Variants in TMEM248 observed in about 807,000 individuals in gnomAD.
TMEM248 encodes UPF0458 protein C7orf42.
Under a neutral mutation model 30.3 loss-of-function variants are expected in TMEM248, and 9 were observed. The observed-to-expected ratio is 0.30, with a 90% CI of 0.18 to 0.52. The LOEUF (loss-of-function observed/expected upper bound fraction) is 0.52. Among genes scored for constraint, TMEM248 ranks in the 20% least tolerant of loss-of-function variants. TMEM248 has a pLI of 0.97. For synonymous variants in TMEM248, 184 were observed against 154.4 expected (o/e 1.19, Z -1.42); for missense variants, 338 against 403.3 (o/e 0.84, Z 1.39).
Position 66,953,231 on chromosome 7 carries a change from C to T in TMEM248, c.786C>T (p.Asp262=). 1 of 1,613,764 alleles carries T rather than the reference C, an allele frequency of 6.2e-7. No homozygotes were observed. Among genetic ancestry groups the T allele is most frequent in the Non-Finnish European group, 8.5e-7 (1 of 1,179,884 alleles). The change falls in exon 6 of 7, where the codon GAC becomes GAT. Residue 262 remains aspartate (D), a synonymous_variant. Transcript: ENST00000341567. ...TTTTTCTCTTCTTTATTTAGGATGACCGTTCATTAATAAATTTGCATCTCA... is the reference window on the plus strand; with the variant it reads ...TTTTTCTCTTCTTTATTTAGGATGATCGTTCATTAATAAATTTGCATCTCA... ...PKLTVIVPDD[D]RSLINLHLMH...
chr7:66,936,516 CT>C (rs1028924738), intron 1 of TMEM248, among the ~76,000 whole-genome samples: 38 of 147,762 alleles, frequency 2.6e-4, no homozygotes, highest in Middle Eastern at 3.5e-3. Context: ...TGTAGTTTTC[CT>C]TTTTTTTTTG....
At chr7:66,948,475 T>G in intron 3 of TMEM248, 69 bp from the exon 4 acceptor site, 1 of 1,540,064 alleles carries the variant, frequency 6.5e-7, no homozygotes, top group South Asian at 1.2e-5. Context: ...TTTCAGGATT[T>G]ATTTGTATCC....
intron 4 of TMEM248, among the ~76,000 whole-genome samples, chr7:66,950,215 C>CAAA (rs376969562): frequency 8.3e-6 from 1 of 121,074 alleles, no homozygotes; most frequent in East Asian, 2.3e-4. Flanking sequence ...GACTCCGTCT[C>CAAA]AAAAAAAAAA....
At chr7:66,942,548 T>C (rs12536003) in intron 2 of TMEM248, among the ~76,000 whole-genome samples, 23,865 of 152,126 alleles carry the variant, frequency 0.16, 2,278 homozygotes, top group East Asian at 0.29. Flanking sequence ...TAGTCTGGAG[T>C]GCAGTGGCGT....
intron 1 of TMEM248, among the ~76,000 whole-genome samples, chr7:66,940,007 G>A (rs1488129520): frequency 6.6e-6 from 1 of 152,054 alleles, no homozygotes; most frequent in Non-Finnish European, 1.5e-5. Flanking sequence ...AGGCTGGAGT[G>A]CAGTGGCGTG....
chr7:66,938,220 G>A (rs1183068312), intron 1 of TMEM248, among the ~76,000 whole-genome samples: 1 of 152,000 alleles, frequency 6.6e-6, no homozygotes, highest in African/African-American at 2.4e-5. Flanking sequence ...TTTTTTGGTT[G>A]TTTTGTGGTC....
chr7:66,954,615 T>C lies in TMEM248; in HGVS notation c.925-887T>C, dbSNP rs1168044277. Reference sequence around the variant, plus strand: ...TTTCGCCACATTGCCTAGGCTGGTCTTGAATTCCTGGGCTCAAGCAATCCA... The same window carrying C: ...TTTCGCCACATTGCCTAGGCTGGTCCTGAATTCCTGGGCTCAAGCAATCCA... On this transcript the variant is annotated intron_variant, in intron 6 of 6. Transcript: ENST00000341567. 5.9e-5 allele frequency among the ~76,000 whole-genome samples: 9 copies of C among 152,128 alleles called. No homozygotes were observed. The East Asian group carries it at 1.5e-3, about 26-fold the overall frequency.
At chr7:66,952,164 G>A (rs1311962256) in intron 5 of TMEM248, among the ~76,000 whole-genome samples, 6 of 151,580 alleles carry the variant, frequency 4.0e-5, no homozygotes, top group East Asian at 1.9e-4. Context: ...ATCTCGGTTC[G>A]TTGCAACCTC....
chr7:66,931,194 T>C (rs1158141560), intron 1 of TMEM248, among the ~76,000 whole-genome samples: 1 of 151,164 alleles, frequency 6.6e-6, no homozygotes, highest in Admixed American at 6.6e-5. Flanking sequence ...TCTCAGCTAT[T>C]TGGGAGGCTG....
intron 2 of TMEM248, among the ~76,000 whole-genome samples, chr7:66,942,346 ATGGGT>A (rs1791987214): frequency 6.6e-6 from 1 of 152,190 alleles, no homozygotes; most frequent in South Asian, 2.1e-4. Context: ...TCCATCTCAA[ATGGGT>A]TCATTGCTGT....
chr7:66,935,179 T>G (rs189462707), intron 1 of TMEM248, among the ~76,000 whole-genome samples: 4 of 152,150 alleles, frequency 2.6e-5, no homozygotes, highest in Admixed American at 2.6e-4. Context: ...GTTTCCAGAT[T>G]ATTATTGTTA....
At chr7:66,931,506 A>G (rs998564916) in intron 1 of TMEM248, among the ~76,000 whole-genome samples, 7 of 151,464 alleles carry the variant, frequency 4.6e-5, no homozygotes, top group African/African-American at 1.5e-4. Context: ...TTTTTCCACC[A>G]TGTTGGCCAG....
At chr7:66,934,342 A>C (rs1334680274) in intron 1 of TMEM248, among the ~76,000 whole-genome samples, 1 of 152,168 alleles carries the variant, frequency 6.6e-6, no homozygotes, top group East Asian at 1.9e-4. Context: ...CTGGGATTAC[A>C]GGCACACGCC....
chr7:66,925,694 CT>C (rs762948450), intron 1 of TMEM248, among the ~76,000 whole-genome samples: 160 of 137,714 alleles, frequency 1.2e-3, no homozygotes, highest in Middle Eastern at 3.8e-3. Flanking sequence ...GTAGTTTTTT[CT>C]TTTTTTTTTT....
intron 2 of TMEM248, among the ~76,000 whole-genome samples, chr7:66,943,096 C>A (rs1265274100): frequency 9.9e-5 from 15 of 151,884 alleles, no homozygotes; most frequent in Non-Finnish European, 1.6e-4. Flanking sequence ...CCATGTAACC[C>A]TTTCAAAGAG....
At chr7:66,922,163 T>C (rs1791401696) in intron 1 of TMEM248, 1 of 152,238 alleles carries the variant, frequency 6.6e-6, no homozygotes, top group African/African-American at 2.4e-5. Context: ...CAGCCCTCAC[T>C]GGCTGATGAA....
chr7:66,945,468 G>A (rs1465228887), intron 3 of TMEM248, among the ~76,000 whole-genome samples: 2 of 152,208 alleles, frequency 1.3e-5, no homozygotes, highest in Non-Finnish European at 2.9e-5. Flanking sequence ...TCAAAAGCCT[G>A]TAGGAATGAG....
In TMEM248 at chr7:66,941,915, G is replaced by C. The variant is rs767879825; in HGVS notation, c.50G>C (p.Arg17Pro). The change falls in exon 2 of 7, where the codon CGG becomes CCG. Residue 17 changes from arginine to proline, a missense_variant. Arg to Pro is a moderately radical substitution (Grantham distance 103, BLOSUM62 -2). Transcript: ENST00000341567. Reference sequence around the variant, plus strand: ...AACCTGAAGGTGTACATCAGCAGTCGGCCTCCCCTGGTGGTCTTCATGATC... The same window carrying C: ...AACCTGAAGGTGTACATCAGCAGTCCGCCTCCCCTGGTGGTCTTCATGATC... ...LENLKVYISS[R>P]PPLVVFMISV... 1 of 1,614,038 alleles carries C rather than the reference G, an allele frequency of 6.2e-7. No homozygotes were observed. The highest frequency in any genetic ancestry group is 8.5e-7 in the Non-Finnish European group (1 of 1,180,000).
At chr7:66,927,572 CT>C (rs1791557470) in intron 1 of TMEM248, among the ~76,000 whole-genome samples, 1 of 151,204 alleles carries the variant, frequency 6.6e-6, no homozygotes, top group African/African-American at 2.4e-5. Flanking sequence ...TCCCAATTAG[CT>C]GGGACTATAG....
Sources: allele counts gnomAD v4.1 joint callset (sites outside exome capture counted in the v4.1 genomes callset), GRCh38; gene constraint gnomAD v4.1.1; transcripts MANE v1.5; gene names NCBI Gene and HGNC (gene_info 2026-07-23, HGNC 2026-07-21).